The following AACS variants were observed in gnomAD, a reference collection of about 807,000 sequenced individuals.
AACS encodes the protein acetoacetyl-CoA synthetase.
In AACS, 69 loss-of-function variants were observed where a neutral mutation model predicts 83.1. That is an observed-to-expected ratio of 0.83 (90% CI 0.68 to 1.01). The LOEUF is 1.01. Ranked by LOEUF, AACS falls within the 50% of genes least tolerant of loss-of-function variation. The pLI is 0.00. For missense variants in AACS, 866 were observed against 882.2 expected, an observed-to-expected ratio of 0.98 and a Z score of 0.23; for synonymous variants, 333 against 343.4, an observed-to-expected ratio of 0.97 and a Z score of 0.33.
Position 125,142,084 on chromosome 12 carries a change from C to T in AACS, c.1882-8C>T. ...AAATGTTCCTGTTTTTCTACCTTTC[C>T]CTCGCAGTATACGCTCAACGGCAAG... On this transcript the variant is annotated splice_polypyrimidine_tract_variant and splice_region_variant and intron_variant, in intron 17 of 17. Transcript: ENST00000316519. The T allele has an allele frequency of 3.1e-6, 5 of 1,613,906 alleles. No individual in the cohort carries two copies. The highest frequency in any genetic ancestry group is 4.2e-6 in the Non-Finnish European group (5 of 1,179,976).
chr12:125,069,131 G>A (rs1256920121), intron 1 of AACS, among the ~76,000 whole-genome samples: 3 of 152,108 alleles, frequency 2.0e-5, no homozygotes, highest in East Asian at 1.9e-4. Context: ...GTGAGCCACC[G>A]CGCCCGGCTG....
rs190282096 is a variant in AACS at position 125,110,409 on chromosome 12, C to G, written c.915+3141C>G. On this transcript the variant is annotated intron_variant, in intron 8 of 17. Coordinates refer to ENST00000316519, the MANE Select transcript of AACS (RefSeq NM_023928.5). ...TTCTAATAACTGCTATCACATCTTA[C>G]TTCCTCTGATCCTCTTCTGCCCCTG... 2.1e-4 allele frequency among the ~76,000 whole-genome samples: 32 copies of G among 152,320 alleles called. 1 individual carries two copies. The highest frequency in any genetic ancestry group is 6.7e-4 in the African/African-American group (28 of 41,574).
At chr12:125,074,660 G>GTTTTTTTTTT (rs869194296) in intron 2 of AACS, among the ~76,000 whole-genome samples, 2 of 122,162 alleles carry the variant, frequency 1.6e-5, no homozygotes, top group Non-Finnish European at 1.7e-5. Flanking sequence ...CATTGTTGTA[G>GTTTTTTTTTT]TTTTTTTTTT....
chr12:125,136,844 C>T lies in AACS; in HGVS notation c.1861C>T (p.Leu621=). 6.2e-6 allele frequency: 10 copies of T among 1,613,586 alleles called. No individual in the cohort carries two copies. Among genetic ancestry groups the T allele is most frequent in the Non-Finnish European group, 8.5e-6 (10 of 1,180,008 alleles). The change falls in exon 17 of 18, where the codon CTG becomes TTG. Residue 621 remains leucine (L), a synonymous_variant. Coordinates refer to ENST00000316519, the MANE Select transcript of AACS (RefSeq NM_023928.5). The part of the protein sequence containing the change: ...LSARHVPSLI[L]ETKGIPYTLN... ...TGCGCGACACGTGCCCAGCCTCATC[C>T]TGGAAACCAAGGGCATCCCGGTATG...
intron 8 of AACS, among the ~76,000 whole-genome samples, chr12:125,109,731 G>A (rs535142955): frequency 5.9e-5 from 9 of 152,264 alleles, no homozygotes; most frequent in African/African-American, 1.2e-4. Context: ...CACGTCAGTC[G>A]TCAGGTCTCC....
intron 9 of AACS, among the ~76,000 whole-genome samples, chr12:125,115,903 G>A (rs1957044863): frequency 2.0e-5 from 3 of 152,106 alleles, no homozygotes; most frequent in Non-Finnish European, 2.9e-5. Flanking sequence ...ACATACACCC[G>A]TGCAGGGGAC....
At chr12:125,089,077 A>T (rs1956403247) in intron 4 of AACS, among the ~76,000 whole-genome samples, 1 of 152,168 alleles carries the variant, frequency 6.6e-6, no homozygotes, top group Non-Finnish European at 1.5e-5. Context: ...AGCCACATGG[A>T]GTCAGATGGT....
At position 125,130,386 on chromosome 12, in the gene AACS, T is replaced by TGCC. The variant is rs1207997871; in HGVS notation, c.1549+927_1549+928insCCG. ...CACCTTGGCTCCTGCCGTGAGCAGC[T>TGCC]GTGCAGACAGACGAATGCAGAAAAG... is the stretch of plus-strand genomic sequence containing the variant. On this transcript the variant is annotated intron_variant, in intron 14 of 17. Transcript: ENST00000316519. This position sits in a 1 kb window ranked among gnomAD's most constrained non-coding sequence, Gnocchi z 4.9. 1.3e-5 allele frequency among the ~76,000 whole-genome samples: 2 copies of TGCC among 152,258 alleles called. No individual in the cohort carries two copies. The highest frequency in any genetic ancestry group is 2.9e-5 in the Non-Finnish European group (2 of 68,044).
intron 2 of AACS, among the ~76,000 whole-genome samples, chr12:125,075,306 T>C (rs1284682028): frequency 6.6e-6 from 1 of 151,252 alleles, no homozygotes; most frequent in Admixed American, 6.6e-5. Context: ...GTTTCGTTCT[T>C]TATTTTTCTT....
chr12:125,128,652 A>G (rs570608845), intron 13 of AACS: 1 of 166,924 alleles, frequency 6.0e-6, no homozygotes, highest in South Asian at 1.8e-4. Context: ...CCTGGCAGCT[A>G]GAAATCCAGC....
intron 4 of AACS, among the ~76,000 whole-genome samples, chr12:125,090,752 G>A (rs533100951): frequency 1.3e-5 from 2 of 152,088 alleles, no homozygotes; most frequent in East Asian, 1.9e-4. Flanking sequence ...TCTGCCAGCC[G>A]GCAAATATAT....
chr12:125,072,924 T>C lies in AACS; in HGVS notation c.134-952T>C, dbSNP rs918690499. On this transcript the variant is annotated intron_variant, in intron 1 of 17. Transcript: ENST00000316519. ...CCTTTTACCATGTAACTTTTGTTTT[T>C]TTTTTTTTTTTTTTTTTTTTTGAGA... is the stretch of plus-strand genomic sequence containing the variant. 2.9e-5 allele frequency among the ~76,000 whole-genome samples: 4 copies of C among 137,706 alleles called. No individual in the cohort carries two copies. The East Asian group carries it at 6.3e-4, about 22-fold the overall frequency. The allele number at this position is 137,706 out of a possible 152,430, so 90.3% of individuals were successfully genotyped here.
In AACS at chr12:125,065,447, C is replaced by CCCG. The variant is rs907587024; in HGVS notation, c.-128_-126dup. ...GCGGCGGCCGTTCAGTCCCTTGTTC[C>CCCG]CCGCCGCCGCCGTCGCTGACCCAGC... On this transcript the variant is annotated 5_prime_UTR_variant, in exon 1 of 18. Transcript: ENST00000316519. 2.7e-5 allele frequency: 26 copies of CCCG among 976,012 alleles called. No individual in the cohort carries two copies. In the Admixed American group the frequency reaches 9.1e-4, roughly 34 times the overall value. The allele number at this position is 976,012 out of a possible 1,614,324, so 60.5% of individuals were successfully genotyped here. A position where few individuals can be genotyped will look rare whatever the true frequency, so the allele number is the denominator to read the frequency against.
At chr12:125,089,802 C>T (rs1033090444) in intron 4 of AACS, among the ~76,000 whole-genome samples, 4 of 151,812 alleles carry the variant, frequency 2.6e-5, no homozygotes, top group Admixed American at 2.0e-4. Flanking sequence ...CATCATCTAC[C>T]CATCCATCCA....
chr12:125,115,041 C>A (rs1223098793), intron 9 of AACS, among the ~76,000 whole-genome samples: 2 of 152,210 alleles, frequency 1.3e-5, no homozygotes, highest in Admixed American at 1.3e-4. Context: ...GTTGGGCCCG[C>A]TCCTCCGCCC....
chr12:125,116,028 G>A (rs904094578), intron 9 of AACS, among the ~76,000 whole-genome samples: 1 of 152,160 alleles, frequency 6.6e-6, no homozygotes, highest in Non-Finnish European at 1.5e-5. Context: ...TTAATAAGGG[G>A]CTTGAGACAA....
chr12:125,072,739 C>T (rs1955903541), intron 1 of AACS, among the ~76,000 whole-genome samples: 1 of 152,118 alleles, frequency 6.6e-6, no homozygotes. Context: ...TCAGTGAAGT[C>T]ACATTTCCTT....
rs1565932000 is a variant in AACS at position 125,090,168 on chromosome 12, CTGTCT to C, written c.473-1257_473-1253del. 1.3e-4 allele frequency among the ~76,000 whole-genome samples: 15 copies of C among 118,816 alleles called. 2 individuals are homozygous for C. Among genetic ancestry groups the C allele is most frequent in the Admixed American group, 2.5e-4 (3 of 12,052 alleles). The allele number at this position is 118,816 out of a possible 152,430, so 77.9% of individuals were successfully genotyped here. A position where few individuals can be genotyped will look rare whatever the true frequency, so the allele number is the denominator to read the frequency against. ...TCATCCATCCATCTATCCATCCATC[CTGTCT>C]ATACATTCTTCTCTCCATCTACCCA... On this transcript the variant is annotated intron_variant, in intron 4 of 17. Transcript: ENST00000316519.
At chr12:125,081,088 G>A (rs1956171278) in intron 3 of AACS, among the ~76,000 whole-genome samples, 1 of 152,138 alleles carries the variant, frequency 6.6e-6, no homozygotes, top group South Asian at 2.1e-4. Flanking sequence ...CACCTCCCCA[G>A]TTCAAGCCAT....
Sources: gnomAD v4.1 joint callset for allele counts (sites outside exome capture counted in the v4.1 genomes callset) on GRCh38, gnomAD v4.1.1 for gene constraint, Gnocchi (gnomAD v3.1) non-coding constraint, MANE v1.5 for transcripts, NCBI Gene and HGNC (gene_info 2026-07-23, HGNC 2026-07-21) for gene names.